The following TOX4 variants were observed in gnomAD, a reference collection of about 807,000 sequenced individuals.
TOX4 encodes TOX high mobility group box family member 4.
In TOX4, 12 loss-of-function variants were observed where a neutral mutation model predicts 61.0. The observed-to-expected ratio is 0.20, with a 90% CI of 0.13 to 0.32. The LOEUF is 0.32. Ranked by LOEUF, TOX4 falls within the 10% of genes least tolerant of loss-of-function variation. The pLI is 1.00. For missense variants in TOX4, 499 were observed against 753.3 expected, an observed-to-expected ratio of 0.66 and a Z score of 3.95; for synonymous variants, 268 against 274.8, an observed-to-expected ratio of 0.98 and a Z score of 0.24.
chr14:21,495,143 C>A, intron 7 of TOX4, 86 bp from the exon 8 acceptor site: 1 of 1,470,080 alleles, frequency 6.8e-7, no homozygotes, highest in Non-Finnish European at 9.3e-7. Context: ...CCTGTTGCTT[C>A]ATTGGTTTCT....
chr14:21,492,350 G>A lies in TOX4; in HGVS notation c.865G>A (p.Ala289Thr), dbSNP rs770104830. Reference sequence around the variant, plus strand: ...GAAAGAGTATCTGAAGGCACTGGCTGCTTACAAAGACAACCAGGAGTGTCA... The same window carrying A: ...GAAAGAGTATCTGAAGGCACTGGCTACTTACAAAGACAACCAGGAGTGTCA... ...AKKEYLKALAAYKDNQECQAT... is the reference protein window; with the variant it reads ...AKKEYLKALATYKDNQECQAT... The change falls in exon 6 of 9, where the codon GCT becomes ACT. Residue 289 changes from alanine (A) to threonine (T), a missense_variant. Ala to Thr is a moderately conservative substitution (Grantham distance 58). Around this residue, in one of 7 missense-constraint regions of TOX4, gnomAD observed 296 missense variants for 404.7 expected, o/e 0.73. Transcript: ENST00000448790. 1.2e-6 allele frequency: 2 copies of A among 1,614,076 alleles called. No homozygotes were observed. The highest frequency in any genetic ancestry group is 2.7e-5 in the African/African-American group (2 of 75,026).
intron 3 of TOX4, 155 bp from the exon 4 acceptor site, chr14:21,488,432 CTTA>C: frequency 1.3e-6 from 1 of 756,212 alleles, no homozygotes; most frequent in Non-Finnish European, 2.1e-6. Flanking sequence ...TTTTAAAAAG[CTTA>C]TTTTTTTATT....
chr14:21,480,312 A>T (rs76862410), intron 2 of TOX4, among the ~76,000 whole-genome samples: 2,415 of 152,276 alleles, frequency 0.016, 52 homozygotes, highest in African/African-American at 0.054. Context: ...TTATTTTGCC[A>T]AGAAACTGAT....
intron 5 of TOX4, among the ~76,000 whole-genome samples, chr14:21,491,017 G>T (rs145188416): frequency 6.8e-4 from 103 of 152,338 alleles, no homozygotes; most frequent in African/African-American, 2.4e-3. Flanking sequence ...TAGAGACAGG[G>T]TTTCACCGTG....
intron 7 of TOX4, 136 bp downstream of exon 7, chr14:21,493,393 T>G (rs1015190709): frequency 2.3e-6 from 2 of 853,650 alleles, no homozygotes; most frequent in Non-Finnish European, 3.3e-6. Context: ...CAGATGGGAG[T>G]TCCTTGCAGC....
rs1891457074 is a variant in TOX4 at position 21,498,258 on chromosome 14, C to T, written c.*1652C>T. The T allele has an allele frequency of 1.9e-6, 3 of 1,550,154 alleles. No homozygotes were observed. Among genetic ancestry groups the T allele is most frequent in the Non-Finnish European group, 2.7e-6 (3 of 1,121,780 alleles). ...TTCTTAGCTCTGTAAGGAAGTGCTT[C>T]TATAAATTCTTAGGTTTAGAGATGA... is the stretch of plus-strand genomic sequence containing the variant. On this transcript the variant is annotated 3_prime_UTR_variant, in exon 9 of 9. Transcript: ENST00000448790.
intron 2 of TOX4, among the ~76,000 whole-genome samples, chr14:21,478,580 A>C (rs1012736760): frequency 6.6e-6 from 1 of 152,228 alleles, no homozygotes; most frequent in Non-Finnish European, 1.5e-5. Context: ...GGCAAAAGAG[A>C]ATGGTGGAAC....
intron 2 of TOX4, among the ~76,000 whole-genome samples, chr14:21,480,842 G>T (rs1421982159): frequency 6.6e-6 from 1 of 152,210 alleles, no homozygotes; most frequent in Non-Finnish European, 1.5e-5. Flanking sequence ...TGTAATCCCA[G>T]CACTTTGGGA....
At chr14:21,491,536 G>GT (rs36063545) in intron 5 of TOX4, among the ~76,000 whole-genome samples, 59 of 150,416 alleles carry the variant, frequency 3.9e-4, no homozygotes, top group Non-Finnish European at 7.1e-4. Context: ...TTTTGTTTTT[G>GT]TTTTTTTTAG....
At position 21,497,970 on chromosome 14, in the gene TOX4, ACTGTGCCTAGCCTATAATGAT is replaced by A; in HGVS notation, c.*1366_*1386del. On this transcript the variant is annotated 3_prime_UTR_variant, in exon 9 of 9. Transcript: ENST00000448790. ...AGTGCTCGGATTACAGGTGTGAGCC[ACTGTGCCTAGCCTATAATGAT>A]CATTTTAATGTTTCCCATGCACTCA... is the stretch of plus-strand genomic sequence containing the variant. 3.2e-6 allele frequency: 1 copy of A among 310,756 alleles called. No individual in the cohort carries two copies. 19.2% of individuals were successfully genotyped at this position (310,756 alleles called of 1,614,324 possible).
In TOX4 at chr14:21,493,733, C is replaced by T. The variant is rs566797193; in HGVS notation, c.1641+476C>T. Among the ~76,000 whole-genome samples, 9 of 149,894 alleles carry T rather than the reference C, an allele frequency of 6.0e-5. No individual in the cohort carries two copies. In the South Asian group the frequency reaches 1.9e-3, roughly 32 times the overall value. On this transcript the variant is annotated intron_variant, in intron 7 of 8. Coordinates refer to ENST00000448790, the MANE Select transcript of TOX4 (RefSeq NM_014828.4). Reference sequence around the variant, plus strand: ...GGATTACAGGTGTGAGCCACTGCACCCGCCCTGTTTTGTTTTGTTTTGTTT... The same window carrying T: ...GGATTACAGGTGTGAGCCACTGCACTCGCCCTGTTTTGTTTTGTTTTGTTT...
At chr14:21,490,643 C>T (rs1243498771) in intron 5 of TOX4, among the ~76,000 whole-genome samples, 1 of 152,138 alleles carries the variant, frequency 6.6e-6, no homozygotes, top group Non-Finnish European at 1.5e-5. Context: ...TAACTCTTCC[C>T]ATGTACTTTC....
intron 2 of TOX4, among the ~76,000 whole-genome samples, chr14:21,483,822 G>C (rs568280808): frequency 6.6e-6 from 1 of 152,008 alleles, no homozygotes; most frequent in Non-Finnish European, 1.5e-5. Flanking sequence ...GTGTGTGCGC[G>C]TGTGAGACAG....
chr14:21,495,682 TTC>T (rs1366085414), intron 8 of TOX4: 1 of 186,924 alleles, frequency 5.3e-6, no homozygotes. Context: ...ATATTAGCTT[TTC>T]AATTCTTGGT....
intron 2 of TOX4, 43 bp from the exon 3 acceptor site, chr14:21,487,408 C>G (rs956230921): frequency 6.3e-7 from 1 of 1,598,904 alleles, no homozygotes; most frequent in Non-Finnish European, 8.5e-7. Flanking sequence ...TATGCCATTT[C>G]TCCTCTTTTC....
intron 2 of TOX4, chr14:21,482,418 A>G (rs538769407): frequency 2.9e-6 from 1 of 350,548 alleles, no homozygotes; most frequent in Admixed American, 4.3e-5. Flanking sequence ...TGATCTATAT[A>G]ATAAGCTAAA....
intron 5 of TOX4, among the ~76,000 whole-genome samples, chr14:21,491,250 TG>T (rs1398259765): frequency 6.6e-6 from 1 of 152,220 alleles, no homozygotes; most frequent in Admixed American, 6.5e-5. Flanking sequence ...TGGGAGGAGT[TG>T]TTGTGGCCAT....
At chr14:21,486,857 C>T (rs560087435) in intron 2 of TOX4, among the ~76,000 whole-genome samples, 1 of 152,134 alleles carries the variant, frequency 6.6e-6, no homozygotes, top group Non-Finnish European at 1.5e-5. Flanking sequence ...AAATCCTATA[C>T]TAATGGGAAT....
intron 2 of TOX4, among the ~76,000 whole-genome samples, chr14:21,479,935 C>T (rs971884020): frequency 4.6e-5 from 7 of 152,128 alleles, no homozygotes; most frequent in Non-Finnish European, 8.8e-5. Flanking sequence ...TAATTCTCTA[C>T]CCCATTTATG....
Sources: allele counts gnomAD v4.1 joint callset (sites outside exome capture counted in the v4.1 genomes callset), GRCh38; gene constraint gnomAD v4.1.1; regional missense constraint gnomAD v4.1.1; transcripts MANE v1.5; gene names NCBI Gene and HGNC (gene_info 2026-07-23, HGNC 2026-07-21).